The following GMDS variants were observed in gnomAD, a reference collection of about 807,000 sequenced individuals.
The protein encoded by GMDS is GDP-mannose 4,6 dehydratase.
GMDS carries 20 observed loss-of-function variants against 49.9 expected under a neutral mutation model. The ratio of observed to expected loss-of-function variants is 0.40; its 90% CI spans 0.28 to 0.58. The LOEUF (loss-of-function observed/expected upper bound fraction) is 0.58. Among genes scored for constraint, GMDS ranks in the 20% least tolerant of loss-of-function variants. GMDS has a pLI of 0.42. For synonymous variants in GMDS, 177 were observed against 178.6 expected (o/e 0.99, Z 0.07); for missense variants, 362 against 481.4 (o/e 0.75, Z 2.32).
Position 2,148,334 on chromosome 6 carries a change from C to T in GMDS, c.103-23603G>A, listed in dbSNP as rs116251032. 5.7e-3 allele frequency among the ~76,000 whole-genome samples: 869 copies of T among 152,238 alleles called. 2 individuals are homozygous for T. The highest frequency in any genetic ancestry group is 0.017 in the Middle Eastern group (5 of 294). ...CAACATGCACCTCCAAGTCGTAAGC[C>T]GGGCAGCAAAGTATAAATATGAGAC... On this transcript the variant is annotated intron_variant, in intron 1 of 10. Transcript: ENST00000380815.
rs559051931 is a variant in GMDS at position 2,065,814 on chromosome 6, C to T, written c.345+49957G>A. Among the ~76,000 whole-genome samples, 714 of 152,174 alleles carry T rather than the reference C, an allele frequency of 4.7e-3. 1 individual carries two copies. Among genetic ancestry groups the T allele is most frequent in the Middle Eastern group, 0.01 (3 of 294 alleles). ...GTCTGATTGGTGTACCTGAAAGTCA[C>T]GGGGAGAATGGAACCAAGTTGGAAA... On this transcript the variant is annotated intron_variant, in intron 4 of 10. Transcript: ENST00000380815.
chr6:2,118,920 G>A (rs1458509110), intron 2 of GMDS, among the ~76,000 whole-genome samples: 1 of 151,934 alleles, frequency 6.6e-6, no homozygotes, highest in Non-Finnish European at 1.5e-5. Context: ...CAATTTTTCA[G>A]GTTGCTACTT....
chr6:2,015,336 A>C (rs1767822606), intron 4 of GMDS, among the ~76,000 whole-genome samples: 1 of 152,238 alleles, frequency 6.6e-6, no homozygotes, highest in Non-Finnish European at 1.5e-5. Flanking sequence ...AACAGAAATT[A>C]AACTGTGCCC....
rs190999668 is a variant in GMDS, at chr6:2,139,549, T to C, written c.103-14818A>G. ...ATCATACGATGAGAGGCTGTGTTCA[T>C]GGCAGTCTGTATTTATTAATTGTGG... On this transcript the variant is annotated intron_variant, in intron 1 of 10. Coordinates refer to ENST00000380815, the MANE Select transcript of GMDS (RefSeq NM_001500.4). 5.7e-3 allele frequency among the ~76,000 whole-genome samples: 866 copies of C among 152,366 alleles called. 2 individuals are homozygous for C. Among genetic ancestry groups the C allele is most frequent in the Middle Eastern group, 0.017 (5 of 294 alleles).
rs751129753 is a variant in GMDS, at chr6:1,655,476, TACAC to T, written c.988-30940_988-30937del. Among the ~76,000 whole-genome samples the T allele has an allele frequency of 5.3e-4, 43 of 81,158 alleles. No homozygotes were observed. The East Asian group carries it at 7.2e-3, about 14-fold the overall frequency. 53.2% of individuals were successfully genotyped at this position (81,158 alleles called of 152,430 possible). Reference sequence around the variant, plus strand: ...TTTTTTTCCTTACGTTTGAAAGCCTTACACACACACACACACACATACACACACA... The same window carrying T: ...TTTTTTTCCTTACGTTTGAAAGCCTTACACACACACACACATACACACACA... On this transcript the variant is annotated intron_variant, in intron 9 of 10. Coordinates refer to ENST00000380815, the MANE Select transcript of GMDS (RefSeq NM_001500.4).
At chr6:1,705,713 A>G (rs4959595) in intron 9 of GMDS, among the ~76,000 whole-genome samples, 119,617 of 152,058 alleles carry the variant, frequency 0.79, 50,215 homozygotes, top group Middle Eastern at 0.94. Flanking sequence ...AACAGAAGAG[A>G]GAACGTCTAG....
Position 2,009,754 on chromosome 6 carries a change from A to C in GMDS, c.346-48788T>G, listed in dbSNP as rs9405538. Among the ~76,000 whole-genome samples the C allele has an allele frequency of 9.4e-3, 1,430 of 152,354 alleles. 8 individuals are homozygous for C. Among genetic ancestry groups the C allele is most frequent in the Non-Finnish European group, 0.016 (1,059 of 68,026 alleles). ...GATTATTATTACAGAATGTGATAAAAGCTGCCAATGTCAATGACAAATAGG... is the reference window on the plus strand; with the variant it reads ...GATTATTATTACAGAATGTGATAAACGCTGCCAATGTCAATGACAAATAGG... On this transcript the variant is annotated intron_variant, in intron 4 of 10. Coordinates refer to ENST00000380815, the MANE Select transcript of GMDS (RefSeq NM_001500.4).
chr6:2,069,920 A>G (rs1268621793), intron 4 of GMDS, among the ~76,000 whole-genome samples: 3 of 152,102 alleles, frequency 2.0e-5, no homozygotes, highest in African/African-American at 7.3e-5. Flanking sequence ...ATTACTGGGT[A>G]TATACCCAAA....
chr6:1,875,829 C>T (rs934818873), intron 7 of GMDS, among the ~76,000 whole-genome samples: 1 of 151,458 alleles, frequency 6.6e-6, no homozygotes, highest in Non-Finnish European at 1.5e-5. Context: ...AGTTTGAGAC[C>T]AGCCTGACGA....
intron 9 of GMDS, among the ~76,000 whole-genome samples, chr6:1,652,316 G>T (rs1763677166): frequency 8.1e-6 from 1 of 123,362 alleles, no homozygotes; most frequent in African/African-American, 3.2e-5. Context: ...AGGTTGCAGT[G>T]AGCTGAGATC....
intron 7 of GMDS, among the ~76,000 whole-genome samples, chr6:1,774,530 C>A (rs1190585860): frequency 6.6e-6 from 1 of 152,170 alleles, no homozygotes; most frequent in African/African-American, 2.4e-5. Flanking sequence ...TGGATTAGGG[C>A]CCATCAGCAT....
chr6:1,949,948 T>C (rs1763259676), intron 6 of GMDS, among the ~76,000 whole-genome samples: 1 of 152,258 alleles, frequency 6.6e-6, no homozygotes, highest in Non-Finnish European at 1.5e-5. Flanking sequence ...GCACCTTTTA[T>C]AGCTAGAAAT....
At chr6:1,697,753 C>G (rs1346192695) in intron 9 of GMDS, among the ~76,000 whole-genome samples, 1 of 152,204 alleles carries the variant, frequency 6.6e-6, no homozygotes, top group East Asian at 1.9e-4. Context: ...CTGAGAACCA[C>G]TGGTCCAGAC....
At chr6:1,651,627 C>T (rs946398651) in intron 9 of GMDS, among the ~76,000 whole-genome samples, 1 of 152,198 alleles carries the variant, frequency 6.6e-6, no homozygotes, top group African/African-American at 2.4e-5. Flanking sequence ...CATCTCTGTT[C>T]TGGGAGAAAA....
intron 7 of GMDS, among the ~76,000 whole-genome samples, chr6:1,783,417 GGGAAGTAT>G (rs1200152816): frequency 1.3e-5 from 2 of 152,170 alleles, no homozygotes; most frequent in Non-Finnish European, 2.9e-5. Flanking sequence ...CATCCCTTGA[GGGAAGTAT>G]GGAAGTATGG....
intron 7 of GMDS, among the ~76,000 whole-genome samples, chr6:1,744,564 G>T (rs1226185464): frequency 8.0e-6 from 1 of 125,230 alleles, no homozygotes; most frequent in Non-Finnish European, 1.8e-5. Context: ...CAATGGCTTG[G>T]TAGCTCCCTG....
chr6:2,187,803 T>C (rs1442357997), intron 1 of GMDS, among the ~76,000 whole-genome samples: 1 of 152,240 alleles, frequency 6.6e-6, no homozygotes, highest in Non-Finnish European at 1.5e-5. Flanking sequence ...ACTGAAATTA[T>C]TTTATTCAAG....
intron 7 of GMDS, among the ~76,000 whole-genome samples, chr6:1,838,507 T>C (rs1314081451): frequency 6.6e-6 from 1 of 152,262 alleles, no homozygotes; most frequent in Admixed American, 6.5e-5. Flanking sequence ...GCTGTTTTTT[T>C]CCACATAAAT....
chr6:2,172,892 T>A (rs953865913), intron 1 of GMDS, among the ~76,000 whole-genome samples: 2 of 152,142 alleles, frequency 1.3e-5, no homozygotes, highest in African/African-American at 4.8e-5. Context: ...ACTGACATTT[T>A]AAAAATATAT....
Sources: allele counts gnomAD v4.1 joint callset (sites outside exome capture counted in the v4.1 genomes callset), GRCh38; gene constraint gnomAD v4.1.1; transcripts MANE v1.5; gene names NCBI Gene and HGNC (gene_info 2026-07-23, HGNC 2026-07-21).